MAP7: variants seen among roughly 807,000 people sequenced by gnomAD.
MAP7 encodes the protein ensconsin.
A neutral mutation model predicts 94.8 loss-of-function variants in MAP7; 52 were observed. The observed-to-expected ratio is 0.55, with a 90% CI of 0.44 to 0.69. The LOEUF (loss-of-function observed/expected upper bound fraction) is 0.69, where lower values mean the gene tolerates loss of function less well. Ranked by LOEUF, MAP7 falls within the 30% of genes least tolerant of loss-of-function variation. The pLI, the probability that MAP7 is intolerant of heterozygous loss-of-function variation, is 0.00. For synonymous variants in MAP7, 350 were observed against 357.0 expected (o/e 0.98, Z 0.22); for missense variants, 940 against 964.6 (o/e 0.97, Z 0.34).
At chr6:136,541,451 A>G (rs907025114) in intron 1 of MAP7, among the ~76,000 whole-genome samples, 4 of 152,204 alleles carry the variant, frequency 2.6e-5, no homozygotes, top group African/African-American at 9.7e-5. Context: ...CATATCATTT[A>G]ATTTTAAAAG....
At chr6:136,411,482 C>T in intron 3 of MAP7, 138 bp downstream of exon 3, 3 of 710,232 alleles carry the variant, frequency 4.2e-6, no homozygotes, top group East Asian at 2.8e-5. Context: ...AAAACTTATC[C>T]CTATGTTTAT....
At chr6:136,440,986 C>G (rs1797695581) in intron 1 of MAP7, among the ~76,000 whole-genome samples, 1 of 152,150 alleles carries the variant, frequency 6.6e-6, no homozygotes, top group South Asian at 2.1e-4. Flanking sequence ...ATATAATGTC[C>G]TCCAGGTTCA....
intron 1 of MAP7, among the ~76,000 whole-genome samples, chr6:136,468,456 G>T (rs899580373): frequency 2.0e-5 from 3 of 152,256 alleles, no homozygotes; most frequent in Admixed American, 6.5e-5. Flanking sequence ...GATGCTGCTC[G>T]ACTTACAATG....
At chr6:136,511,878 C>T (rs901875468) in intron 1 of MAP7, among the ~76,000 whole-genome samples, 3 of 152,070 alleles carry the variant, frequency 2.0e-5, no homozygotes, top group South Asian at 2.1e-4. Context: ...ACGAAATGAA[C>T]GTTTTATAAT....
intron 1 of MAP7, among the ~76,000 whole-genome samples, chr6:136,529,216 G>A (rs533522485): frequency 4.4e-4 from 67 of 152,332 alleles, no homozygotes; most frequent in African/African-American, 1.5e-3. Context: ...GCGGGTTCAA[G>A]TGATTCTCCT....
At chr6:136,452,259 T>G (rs1438456618) in intron 1 of MAP7, among the ~76,000 whole-genome samples, 1 of 148,778 alleles carries the variant, frequency 6.7e-6, no homozygotes, top group African/African-American at 2.5e-5. Flanking sequence ...GGATGAGGAG[T>G]TGTTTCTTAT....
chr6:136,413,874 A>T (rs1215838556), intron 2 of MAP7, among the ~76,000 whole-genome samples: 12 of 152,140 alleles, frequency 7.9e-5, no homozygotes. Flanking sequence ...AAAGAAAATA[A>T]AAACAGTAAA....
At chr6:136,358,831 G>T (rs1791716634) in intron 15 of MAP7, among the ~76,000 whole-genome samples, 1 of 152,172 alleles carries the variant, frequency 6.6e-6, no homozygotes, top group South Asian at 2.1e-4. Flanking sequence ...GACCACGAAG[G>T]ATCACTGAAG....
At chr6:136,493,756 T>C (rs987654026) in intron 1 of MAP7, among the ~76,000 whole-genome samples, 3 of 152,212 alleles carry the variant, frequency 2.0e-5, no homozygotes, top group African/African-American at 7.2e-5. Context: ...ATTCAATTAT[T>C]TTTCAAAACT....
At chr6:136,417,581 C>T (rs1303929366) in intron 2 of MAP7, among the ~76,000 whole-genome samples, 1 of 152,204 alleles carries the variant, frequency 6.6e-6, no homozygotes, top group African/African-American at 2.4e-5. Context: ...CCCAATAACA[C>T]TAGGAGTTAG....
At chr6:136,509,635 T>C (rs1822637749) in intron 1 of MAP7, among the ~76,000 whole-genome samples, 1 of 152,154 alleles carries the variant, frequency 6.6e-6, no homozygotes, top group South Asian at 2.1e-4. Flanking sequence ...TATAGCTCAC[T>C]GCAGCCTCAA....
At chr6:136,387,565 G>C (rs1021953634) in intron 5 of MAP7, among the ~76,000 whole-genome samples, 4 of 152,102 alleles carry the variant, frequency 2.6e-5, no homozygotes, top group Non-Finnish European at 4.4e-5. Flanking sequence ...TCGGCCCTAG[G>C]TCTGAGGTGC....
chr6:136,383,907 C>G (rs1327102640), intron 5 of MAP7, 126 bp from the exon 6 acceptor site: 1 of 617,604 alleles, frequency 1.6e-6, no homozygotes, highest in Non-Finnish European at 2.9e-6. Flanking sequence ...GTCATAATAA[C>G]ACAGTTTTCT....
intron 1 of MAP7, among the ~76,000 whole-genome samples, chr6:136,511,985 A>G (rs1194792291): frequency 6.6e-6 from 1 of 152,238 alleles, no homozygotes; most frequent in East Asian, 1.9e-4. Context: ...AGACTGTCCA[A>G]GCCAATGTCC....
Position 136,485,350 on chromosome 6 carries a change from A to G in MAP7, c.68-63551T>C, listed in dbSNP as rs572935627. On this transcript the variant is annotated intron_variant, in intron 1 of 17. Coordinates refer to ENST00000354570, the MANE Select transcript of MAP7 (RefSeq NM_003980.6). ...GTTTTATTATTGCAGGATTGTCTTT[A>G]AAAGATATAGTTACACAATATTGTT... 2.0e-4 allele frequency among the ~76,000 whole-genome samples: 30 copies of G among 152,322 alleles called. No homozygotes were observed. In the South Asian group the frequency reaches 6.0e-3, roughly 30 times the overall value.
chr6:136,369,858 G>A (rs1190808140), intron 8 of MAP7, among the ~76,000 whole-genome samples: 1 of 152,254 alleles, frequency 6.6e-6, no homozygotes, highest in South Asian at 2.1e-4. Flanking sequence ...ACTGTGTTTG[G>A]TACTGATTTC....
intron 3 of MAP7, among the ~76,000 whole-genome samples, chr6:136,399,510 G>T (rs181269785): frequency 2.1e-5 from 3 of 146,098 alleles, no homozygotes; most frequent in African/African-American, 5.0e-5. Context: ...TGTCTGGCTC[G>T]TTTTTTTTTT....
At chr6:136,541,389 T>C (rs1174982683) in intron 1 of MAP7, among the ~76,000 whole-genome samples, 1 of 152,206 alleles carries the variant, frequency 6.6e-6, no homozygotes, top group Non-Finnish European at 1.5e-5. Flanking sequence ...GGTTATGCCA[T>C]AGTGAAGGAT....
intron 15 of MAP7, 35 bp from the exon 16 acceptor site, chr6:136,356,829 C>A: frequency 6.5e-7 from 1 of 1,542,086 alleles, no homozygotes; most frequent in Non-Finnish European, 9.0e-7. Context: ...CACAGGGTTA[C>A]TAATATTCTT....
Sources: allele counts gnomAD v4.1 joint callset (sites outside exome capture counted in the v4.1 genomes callset), GRCh38; gene constraint gnomAD v4.1.1; transcripts MANE v1.5; gene names NCBI Gene and HGNC (gene_info 2026-07-23, HGNC 2026-07-21).